The following ADCY2 variants were observed in gnomAD, a reference collection of about 807,000 sequenced individuals.
The protein encoded by ADCY2 is adenylate cyclase type 2.
ADCY2 carries 31 observed loss-of-function variants against 125.2 expected under a neutral mutation model. That is an observed-to-expected ratio of 0.25 (90% CI 0.19 to 0.33). The LOEUF (loss-of-function observed/expected upper bound fraction) is 0.33, where lower values mean the gene tolerates loss of function less well. ADCY2 is among the 10% of genes least tolerant of loss of function. The pLI, the probability that ADCY2 is intolerant of heterozygous loss-of-function variation, is 1.00. For synonymous variants in ADCY2, 512 were observed against 548.4 expected (o/e 0.93, Z 0.93); for missense variants, 904 against 1,418.2 (o/e 0.64, Z 5.82).
At chr5:7,804,751 C>A in intron 22 of ADCY2, 59 bp downstream of exon 22, 1 of 1,301,760 alleles carries the variant, frequency 7.7e-7, no homozygotes, top group Non-Finnish European at 1.1e-6. Flanking sequence ...CACAAACCAC[C>A]CTGGGACCAA....
chr5:7,435,409 C>T (rs1049596315), intron 2 of ADCY2, among the ~76,000 whole-genome samples: 5 of 152,158 alleles, frequency 3.3e-5, no homozygotes, highest in Non-Finnish European at 7.3e-5. Flanking sequence ...GTGGGAGAAC[C>T]TATCCTTTTC....
chr5:7,403,436 C>G (rs1739344218), intron 1 of ADCY2, among the ~76,000 whole-genome samples: 1 of 152,116 alleles, frequency 6.6e-6, no homozygotes, highest in Non-Finnish European at 1.5e-5. Flanking sequence ...CCTCCATGCT[C>G]TTTGGAATTG....
chr5:7,816,181 C>T (rs1200007569), intron 22 of ADCY2, among the ~76,000 whole-genome samples: 1 of 152,186 alleles, frequency 6.6e-6, no homozygotes, highest in Non-Finnish European at 1.5e-5. Context: ...CTTGGAGGGA[C>T]ACAATTTAGC....
At chr5:7,503,675 C>T (rs757321009) in intron 2 of ADCY2, among the ~76,000 whole-genome samples, 3 of 152,080 alleles carry the variant, frequency 2.0e-5, no homozygotes, top group Non-Finnish European at 2.9e-5. Flanking sequence ...TCAGCTGTGT[C>T]GATGACTATT....
intron 20 of ADCY2, chr5:7,797,506 C>T (rs746852299): frequency 2.0e-5 from 3 of 152,338 alleles, no homozygotes; most frequent in Non-Finnish European, 2.9e-5. Context: ...AACTAGACTT[C>T]ATGCTCCCTA....
rs113010117 is a variant in ADCY2 at position 7,587,544 on chromosome 5, G to A, written c.571-38623G>A. Among the ~76,000 whole-genome samples, 44 of 152,216 alleles carry A rather than the reference G, an allele frequency of 2.9e-4. 1 individual carries two copies. The highest frequency in any genetic ancestry group is 1.0e-3 in the African/African-American group (43 of 41,532). ...CTCCCCCAGAGTTCCACAGTTGATG[G>A]GCTCCTGTACCTTCTAGGGAACAGG... On this transcript the variant is annotated intron_variant, in intron 3 of 24. Coordinates refer to ENST00000338316, the MANE Select transcript of ADCY2 (RefSeq NM_020546.3).
Position 7,690,679 on chromosome 5 carries a change from C to A in ADCY2, c.721-12C>A. On this transcript the variant is annotated splice_polypyrimidine_tract_variant and intron_variant, in intron 4 of 24. Transcript: ENST00000338316. Reference sequence around the variant, plus strand: ...TGAGAGACATTTGTTCCTCCTTCCCCACCTTGTCCAGGAGCGGCTTCTGCT... The same window carrying A: ...TGAGAGACATTTGTTCCTCCTTCCCAACCTTGTCCAGGAGCGGCTTCTGCT... 1 of 1,551,980 alleles carries A rather than the reference C, an allele frequency of 6.4e-7. No homozygotes were observed. Among genetic ancestry groups the A allele is most frequent in the South Asian group, 1.2e-5 (1 of 80,826 alleles).
At chr5:7,573,550 A>G (rs1206931525) in intron 3 of ADCY2, among the ~76,000 whole-genome samples, 1 of 150,460 alleles carries the variant, frequency 6.6e-6, no homozygotes. Context: ...TACATAAAAA[A>G]CTGGGAAAAC....
chr5:7,459,880 G>A (rs909104825), intron 2 of ADCY2, among the ~76,000 whole-genome samples: 8 of 137,808 alleles, frequency 5.8e-5, no homozygotes, highest in East Asian at 4.6e-4. Flanking sequence ...TCTGCCTCCC[G>A]GGTTCACGCT....
In ADCY2 at chr5:7,415,502, C is replaced by G. The variant is rs112721483; in HGVS notation, c.408+732C>G. On this transcript the variant is annotated intron_variant, in intron 2 of 24. Transcript: ENST00000338316. ...TGCCTTGTCTAGGCTTCCTATTTCT[C>G]CAGGTGCTTGCAACCCTCCAGGACT... Among the ~76,000 whole-genome samples the G allele has an allele frequency of 2.4e-3, 366 of 152,276 alleles. 1 individual carries two copies. The highest frequency in any genetic ancestry group is 8.4e-3 in the African/African-American group (350 of 41,546).
chr5:7,662,074 A>G (rs2126694197), intron 4 of ADCY2, among the ~76,000 whole-genome samples: 1 of 152,346 alleles, frequency 6.6e-6, no homozygotes, highest in South Asian at 2.1e-4. Flanking sequence ...GAGGAAAGCC[A>G]TTATTCTCCT....
intron 3 of ADCY2, among the ~76,000 whole-genome samples, chr5:7,622,025 C>A (rs1737969737): frequency 1.3e-5 from 2 of 152,176 alleles, no homozygotes; most frequent in South Asian, 4.1e-4. Context: ...AAGTTCCTCT[C>A]CTGTTTTCTG....
chr5:7,750,074 C>T (rs940088022), intron 15 of ADCY2, among the ~76,000 whole-genome samples: 1 of 152,146 alleles, frequency 6.6e-6, no homozygotes, highest in East Asian at 1.9e-4. Context: ...TTTCTCTGAT[C>T]CAAACATCTC....
At chr5:7,599,293 A>C (rs952614918) in intron 3 of ADCY2, among the ~76,000 whole-genome samples, 1 of 152,220 alleles carries the variant, frequency 6.6e-6, no homozygotes, top group African/African-American at 2.4e-5. Context: ...GAGTAGGAGA[A>C]GCAGGAATGA....
intron 2 of ADCY2, among the ~76,000 whole-genome samples, chr5:7,462,734 G>A (rs1443951987): frequency 6.6e-6 from 1 of 152,214 alleles, no homozygotes; most frequent in Non-Finnish European, 1.5e-5. Flanking sequence ...TCAGTGTCAG[G>A]TGCTCATTCG....
chr5:7,452,400 C>T (rs999547258), intron 2 of ADCY2, among the ~76,000 whole-genome samples: 1 of 152,166 alleles, frequency 6.6e-6, no homozygotes, highest in African/African-American at 2.4e-5. Context: ...TAATGGCCTC[C>T]AGTTTTATAC....
intron 3 of ADCY2, among the ~76,000 whole-genome samples, chr5:7,609,759 C>T (rs907526099): frequency 9.9e-5 from 15 of 152,132 alleles, no homozygotes; most frequent in African/African-American, 3.1e-4. Context: ...GGAGAAGTAT[C>T]AGGGAGTATT....
intron 11 of ADCY2, among the ~76,000 whole-genome samples, chr5:7,713,643 C>T (rs977905815): frequency 5.3e-5 from 8 of 152,180 alleles, no homozygotes; most frequent in East Asian, 1.9e-4. Context: ...TGTCTCCACA[C>T]GCCCTGTCGC....
At position 7,520,908 on chromosome 5, in the gene ADCY2, A is replaced by G; in HGVS notation, c.570+9A>G. On this transcript the variant is annotated intron_variant, in intron 3 of 24. Transcript: ENST00000338316. Reference sequence around the variant, plus strand: ...AGCACCTGGTCTGGCAGGTGGGTGCACCTCCACATCCATGGAGAATGACTT... The same window carrying G: ...AGCACCTGGTCTGGCAGGTGGGTGCGCCTCCACATCCATGGAGAATGACTT... The G allele has an allele frequency of 6.2e-7, 1 of 1,613,754 alleles. No homozygotes were observed. The highest frequency in any genetic ancestry group is 8.5e-7 in the Non-Finnish European group (1 of 1,179,994).
Sources: allele counts gnomAD v4.1 joint callset (sites outside exome capture counted in the v4.1 genomes callset), GRCh38; gene constraint gnomAD v4.1.1; transcripts MANE v1.5; gene names NCBI Gene and HGNC (gene_info 2026-07-23, HGNC 2026-07-21).